Variants in UST observed in about 807,000 individuals in gnomAD.
UST encodes uronyl 2-sulfotransferase.
A neutral mutation model predicts 45.6 loss-of-function variants in UST; 21 were observed. The observed-to-expected ratio is 0.46, with a 90% confidence interval of 0.33 to 0.66. UST has a LOEUF of 0.66. UST is among the 30% of genes least tolerant of loss of function. The pLI, the probability that UST is intolerant of heterozygous loss-of-function variation, is 0.02. For missense variants in UST, 463 were observed against 512.4 expected, an observed-to-expected ratio of 0.90 and a Z score of 0.93; for synonymous variants, 215 against 200.6, an observed-to-expected ratio of 1.07 and a Z score of -0.61.
At position 148,747,573 on chromosome 6, in the gene UST, A is replaced by G. The variant is rs1394742121; in HGVS notation, c.143A>G (p.Tyr48Cys). 2.5e-6 allele frequency: 4 copies of G among 1,586,768 alleles called. No homozygotes were observed. The highest frequency in any genetic ancestry group is 3.4e-6 in the Non-Finnish European group (4 of 1,168,216). The change falls in exon 1 of 8, where the codon TAC becomes TGC. Residue 48 changes from tyrosine (Y) to cysteine (C), a missense_variant. Tyr to Cys is a radical substitution (Grantham distance 194). Around this residue, in one of 2 missense-constraint regions of UST, gnomAD observed 176 missense variants for 138.3 expected, o/e 1.27. Coordinates refer to ENST00000367463, the MANE Select transcript of UST (RefSeq NM_005715.3). ...TTCCTGCGCTTCTCCCTCCGGGACT[A>G]CGGCTTCTGCATGGCCACCCTGCTG... ...LPFLRFSLRD[Y>C]GFCMATLLVF...
chr6:148,933,764 C>A (rs1433866036), intron 2 of UST, among the ~76,000 whole-genome samples: 1 of 151,750 alleles, frequency 6.6e-6, no homozygotes, highest in Admixed American at 6.6e-5. Context: ...GAGGCTTTGG[C>A]GATGATCTCA....
intron 1 of UST, among the ~76,000 whole-genome samples, chr6:148,807,829 G>C (rs1269053170): frequency 6.6e-6 from 1 of 152,204 alleles, no homozygotes; most frequent in Non-Finnish European, 1.5e-5. Context: ...GATATAACAA[G>C]ATGTCAGGTG....
At chr6:148,976,041 T>G (rs993935671) in intron 5 of UST, among the ~76,000 whole-genome samples, 3 of 152,198 alleles carry the variant, frequency 2.0e-5, no homozygotes, top group East Asian at 1.9e-4. Flanking sequence ...AAGAATTTAT[T>G]CTTAAAGATA....
chr6:148,996,246 A>T (rs536956187), intron 5 of UST, among the ~76,000 whole-genome samples: 3 of 152,220 alleles, frequency 2.0e-5, no homozygotes, highest in African/African-American at 7.2e-5. Context: ...CTGAGACAGG[A>T]TCTCACTCTG....
chr6:148,916,533 C>A (rs1562298770), intron 2 of UST, among the ~76,000 whole-genome samples: 1 of 152,250 alleles, frequency 6.6e-6, no homozygotes, highest in East Asian at 1.9e-4. Context: ...CTCTTTAGCG[C>A]CTCACTCACT....
At chr6:148,981,639 TAAG>T (rs2092256330) in intron 5 of UST, among the ~76,000 whole-genome samples, 1 of 152,244 alleles carries the variant, frequency 6.6e-6, no homozygotes, top group Admixed American at 6.5e-5. Context: ...TGACACATAA[TAAG>T]AGCTCAAAAA....
At chr6:149,037,260 T>C (rs1338505665) in intron 7 of UST, among the ~76,000 whole-genome samples, 1 of 152,180 alleles carries the variant, frequency 6.6e-6, no homozygotes, top group Non-Finnish European at 1.5e-5. Context: ...AGCTCCGAAA[T>C]TCCAGCCATG....
intron 2 of UST, among the ~76,000 whole-genome samples, chr6:148,913,593 G>T (rs147854799): frequency 6.6e-6 from 1 of 152,052 alleles, no homozygotes; most frequent in Non-Finnish European, 1.5e-5. Flanking sequence ...GTAATAGTGA[G>T]TAGTTATCCT....
intron 7 of UST, 110 bp from the exon 8 acceptor site, chr6:149,073,723 G>A: frequency 7.7e-7 from 1 of 1,292,044 alleles, no homozygotes; most frequent in Non-Finnish European, 1.1e-6. Flanking sequence ...TGGATATGCA[G>A]TTGCTTCCTT....
chr6:148,778,475 C>T (rs1029307691), intron 1 of UST, among the ~76,000 whole-genome samples: 1 of 152,196 alleles, frequency 6.6e-6, no homozygotes, highest in South Asian at 2.1e-4. Context: ...CAGAAAAAGG[C>T]ACTCCTTGGG....
At chr6:148,887,856 A>G (rs1179171864) in intron 2 of UST, among the ~76,000 whole-genome samples, 2 of 152,166 alleles carry the variant, frequency 1.3e-5, no homozygotes, top group African/African-American at 2.4e-5. Context: ...GTGAAATCTT[A>G]AAGTGTAGAT....
chr6:148,893,293 T>C (rs1228860484), intron 2 of UST, among the ~76,000 whole-genome samples: 1 of 152,222 alleles, frequency 6.6e-6, no homozygotes, highest in Non-Finnish European at 1.5e-5. Context: ...GAAGTAGTAA[T>C]ATGAACTGAG....
chr6:148,902,527 C>T (rs1004005002), intron 2 of UST, among the ~76,000 whole-genome samples: 3 of 151,934 alleles, frequency 2.0e-5, no homozygotes, highest in Non-Finnish European at 2.9e-5. Context: ...TGAGCTATTG[C>T]ATCTCGCCTG....
At chr6:148,839,148 C>T (rs975494330) in intron 1 of UST, among the ~76,000 whole-genome samples, 1 of 152,198 alleles carries the variant, frequency 6.6e-6, no homozygotes, top group African/African-American at 2.4e-5. Flanking sequence ...GGATTAGCCT[C>T]TTGCACTCGG....
At chr6:148,932,603 T>C (rs1779943148) in intron 2 of UST, among the ~76,000 whole-genome samples, 1 of 152,244 alleles carries the variant, frequency 6.6e-6, no homozygotes, top group Non-Finnish European at 1.5e-5. Flanking sequence ...CAGTGTCACC[T>C]GAAATTTGAG....
intron 2 of UST, among the ~76,000 whole-genome samples, chr6:148,922,286 A>G (rs1315522318): frequency 1.3e-5 from 2 of 151,492 alleles, no homozygotes; most frequent in Non-Finnish European, 2.9e-5. Flanking sequence ...AACCACTAGC[A>G]TACTGCCTGT....
chr6:148,976,125 C>T (rs9322162), intron 5 of UST, among the ~76,000 whole-genome samples: 47,805 of 151,910 alleles, frequency 0.31, 8,055 homozygotes, highest in Non-Finnish European at 0.38. Context: ...AGTAAAATTC[C>T]GGATAATCTA....
chr6:149,017,680 T>A (rs1326556608), intron 5 of UST, among the ~76,000 whole-genome samples: 2 of 152,148 alleles, frequency 1.3e-5, no homozygotes, highest in Non-Finnish European at 2.9e-5. Flanking sequence ...GTATCCAGTA[T>A]TTCAGTGTGT....
intron 7 of UST, among the ~76,000 whole-genome samples, chr6:149,070,326 G>A (rs375022714): frequency 2.0e-5 from 3 of 152,116 alleles, no homozygotes; most frequent in African/African-American, 4.8e-5. Flanking sequence ...ACAATGACCC[G>A]CCCCAGATTA....
Sources: gnomAD v4.1 joint callset for allele counts (sites outside exome capture counted in the v4.1 genomes callset) on GRCh38, gnomAD v4.1.1 for gene constraint, gnomAD v4.1.1 regional missense constraint, MANE v1.5 for transcripts, NCBI Gene and HGNC (gene_info 2026-07-23, HGNC 2026-07-21) for gene names.